The following HEPACAM2 variants were observed in gnomAD, a reference collection of about 807,000 sequenced individuals.
HEPACAM2 encodes the protein mitotic kinetics regulator.
In HEPACAM2, 49 loss-of-function variants were observed where a neutral mutation model predicts 49.6. The ratio of observed to expected loss-of-function variants is 0.99; its 90% CI spans 0.78 to 1.25. The LOEUF is 1.25. HEPACAM2 is among the 50% of genes most tolerant of loss of function. The probability of loss-of-function intolerance (pLI) is 0.00; values close to 1 mark genes in which losing one functional copy is unlikely to be tolerated. For missense variants in HEPACAM2, 525 were observed against 557.2 expected (o/e 0.94, Z 0.58); for synonymous variants, 197 against 202.9 (o/e 0.97, Z 0.25).
At chr7:93,231,896 C>G in the HEPACAM2 span, among the ~76,000 whole-genome samples, 1 of 152,114 alleles carries the variant, frequency 6.6e-6, no homozygotes, top group Non-Finnish European at 1.5e-5. Flanking sequence ...TCAGGCCAAA[C>G]CCAGCGCGCC....
chr7:93,197,152 T>A (rs1264085504), intron 7 of HEPACAM2, 89 bp downstream of exon 7: 2 of 857,074 alleles, frequency 2.3e-6, no homozygotes, highest in Non-Finnish European at 3.2e-6. Flanking sequence ...TCATATTAAT[T>A]ATATTACATT....
intron 8 of HEPACAM2, among the ~76,000 whole-genome samples, chr7:93,192,695 C>T (rs1203347246): frequency 6.6e-6 from 1 of 151,998 alleles, no homozygotes; most frequent in African/African-American, 2.4e-5. Context: ...ATCTTAGAAT[C>T]AGATAGCATA....
At chr7:93,226,502 G>A, upstream of HEPACAM2, 1 of 1,363,302 alleles carries the variant, frequency 7.3e-7, no homozygotes, top group Non-Finnish European at 1.0e-6. Flanking sequence ...TGGTTTATTT[G>A]CTAGGGAAAT....
At chr7:93,225,807 C>T (rs1161753777) in intron 1 of HEPACAM2, 15 of 617,090 alleles carry the variant, frequency 2.4e-5, no homozygotes, top group Admixed American at 3.3e-5. Flanking sequence ...AAGCTAAAGG[C>T]ATTTTGGAGT....
In HEPACAM2 at chr7:93,215,635, C is replaced by A; in HGVS notation, c.481G>T (p.Glu161Ter). 6.2e-7 allele frequency: 1 copy of A among 1,613,690 alleles called. No homozygotes were observed. The highest frequency in any genetic ancestry group is 1.1e-5 in the South Asian group (1 of 91,060). The change falls in exon 3 of 10, where the codon GAG becomes TAG. Residue 161 changes from glutamate (E) to a stop codon, truncating the protein, a stop_gained. Coordinates refer to ENST00000394468, the MANE Select transcript of HEPACAM2 (RefSeq NM_001039372.4). LOFTEE classifies it high-confidence loss of function. ...VQIHPPSGAVEYVGNMTLTCH... is the reference protein window; with the variant it reads ...VQIHPPSGAV ...GTCAGGGTCATGTTCCCCACATACT[C>A]CACAGCCCCAGAGGGAGGATGAATC...
intron 2 of HEPACAM2, among the ~76,000 whole-genome samples, chr7:93,217,989 A>G (rs972771590): frequency 1.3e-5 from 2 of 151,750 alleles, no homozygotes; most frequent in African/African-American, 4.8e-5. Context: ...TTGAGCCAAG[A>G]CCTAAAGGAA....
chr7:93,225,851 T>TAA (rs2116732945), intron 1 of HEPACAM2: 1 of 1,023,566 alleles, frequency 9.8e-7, no homozygotes, highest in East Asian at 2.7e-5. Flanking sequence ...CCCTTTTGTG[T>TAA]AGGAAATTTT....
chr7:93,190,606 A>G (rs74629482), intron 9 of HEPACAM2, among the ~76,000 whole-genome samples: 4,901 of 152,112 alleles, frequency 0.032, 103 homozygotes, highest in African/African-American at 0.065. Context: ...CCATGTCCCA[A>G]TAGCGGTTTT....
intron 4 of HEPACAM2, among the ~76,000 whole-genome samples, chr7:93,198,799 A>G (rs1445098583): frequency 2.6e-5 from 4 of 152,090 alleles, no homozygotes; most frequent in Admixed American, 6.6e-5. Context: ...TCCAGCCTGC[A>G]CTGTGTCATC....
intron 4 of HEPACAM2, among the ~76,000 whole-genome samples, chr7:93,206,548 A>G (rs979457088): frequency 2.6e-5 from 4 of 152,120 alleles, no homozygotes; most frequent in East Asian, 1.9e-4. Context: ...GAAGCAACTC[A>G]GGTAAAAATT....
intron 9 of HEPACAM2, among the ~76,000 whole-genome samples, chr7:93,191,613 G>C (rs887362578): frequency 6.6e-6 from 1 of 152,108 alleles, no homozygotes; most frequent in Non-Finnish European, 1.5e-5. Flanking sequence ...TATTTCAAAA[G>C]ATTGTAGGCT....
In HEPACAM2 at chr7:93,197,667, C is replaced by G. The variant is rs1317194352; in HGVS notation, c.1013-57G>C. The G allele has an allele frequency of 3.1e-6, 4 of 1,271,800 alleles. No individual in the cohort carries two copies. In the African/African-American group the frequency reaches 4.5e-5, roughly 14 times the overall value. 78.8% of individuals were successfully genotyped at this position (1,271,800 alleles called of 1,614,324 possible). On this transcript the variant is annotated intron_variant, in intron 4 of 9. Transcript: ENST00000394468. ...TAAATTGCTACAGTATATAACTTGA[C>G]TTTTTAAATGCCGTATTTTAAATGA...
At chr7:93,220,170 C>T (rs574162933) in intron 1 of HEPACAM2, among the ~76,000 whole-genome samples, 6 of 152,248 alleles carry the variant, frequency 3.9e-5, no homozygotes, top group African/African-American at 1.4e-4. Context: ...CAATTTTACT[C>T]TAAGATGGGG....
chr7:93,206,366 T>A (rs1184435987), intron 4 of HEPACAM2, among the ~76,000 whole-genome samples: 1 of 152,110 alleles, frequency 6.6e-6, no homozygotes, highest in Non-Finnish European at 1.5e-5. Context: ...TGAGCAGGAA[T>A]TCTTATTAGG....
chr7:93,217,605 CT>C (rs1241461978), intron 2 of HEPACAM2, among the ~76,000 whole-genome samples: 2 of 152,124 alleles, frequency 1.3e-5, no homozygotes, highest in African/African-American at 4.8e-5. Flanking sequence ...CCTCCCCAGT[CT>C]CCTCTGTGGC....
At chr7:93,224,405 A>G in intron 1 of HEPACAM2, among the ~76,000 whole-genome samples, 1 of 152,296 alleles carries the variant, frequency 6.6e-6, no homozygotes, top group South Asian at 2.1e-4. Flanking sequence ...CTTTCTGAGT[A>G]TAACAAACAA....
chr7:93,215,660 C>A lies in HEPACAM2; in HGVS notation c.456G>T (p.Gln152His), dbSNP rs1278504454. ...VDDPVTKPVV[Q>H]IHPPSGAVEY... ...CCACAGCCCCAGAGGGAGGATGAAT[C>A]TGCACCACTGGCTTTGTGACAGGAT... The change falls in exon 3 of 10, where the codon CAG becomes CAT. Residue 152 changes from glutamine (Q) to histidine (H), a missense_variant. Physicochemically the swap from Gln to His is conservative, Grantham distance 24 (BLOSUM62 0). Transcript: ENST00000394468. The A allele has an allele frequency of 6.2e-7, 1 of 1,613,438 alleles. No homozygotes were observed. Among genetic ancestry groups the A allele is most frequent in the South Asian group, 1.1e-5 (1 of 91,056 alleles).
intron 3 of HEPACAM2, among the ~76,000 whole-genome samples, chr7:93,212,451 T>C (rs1012992572): frequency 1.3e-5 from 2 of 152,010 alleles, no homozygotes; most frequent in Non-Finnish European, 2.9e-5. Flanking sequence ...TTCAGTTCCT[T>C]GCTTCTGATA....
chr7:93,223,927 C>G (rs1036558286), intron 1 of HEPACAM2, among the ~76,000 whole-genome samples: 3 of 152,126 alleles, frequency 2.0e-5, no homozygotes, highest in African/African-American at 7.2e-5. Flanking sequence ...GGAACACATA[C>G]TCTCTTATCA....
Sources: gnomAD v4.1 joint callset for allele counts (sites outside exome capture counted in the v4.1 genomes callset) on GRCh38, gnomAD v4.1.1 for gene constraint, MANE v1.5 for transcripts, NCBI Gene and HGNC (gene_info 2026-07-23, HGNC 2026-07-21) for gene names.